Variants in MYO3A observed in about 807,000 individuals in gnomAD.
MYO3A encodes myosin-IIIa.
MYO3A carries 180 observed loss-of-function variants against 192.7 expected under a neutral mutation model. That is an observed-to-expected ratio of 0.93 (90% CI 0.83 to 1.06). The LOEUF is 1.06. Among genes scored for constraint, MYO3A ranks in the 50% least tolerant of loss-of-function variants. MYO3A has a pLI of 0.00. For missense variants in MYO3A, 1,896 were observed against 1,905.0 expected, an observed-to-expected ratio of 1.00 and a Z score of 0.09; for synonymous variants, 628 against 645.3, an observed-to-expected ratio of 0.97 and a Z score of 0.41.
intron 2 of MYO3A, among the ~76,000 whole-genome samples, chr10:25,948,667 A>G (rs1837015586): frequency 1.3e-5 from 2 of 152,168 alleles, no homozygotes; most frequent in African/African-American, 4.8e-5. Context: ...ACTAGCTGTG[A>G]CATTCTATTT....
intron 7 of MYO3A, among the ~76,000 whole-genome samples, chr10:26,019,505 A>G (rs531656494): frequency 1.3e-5 from 2 of 152,192 alleles, no homozygotes; most frequent in Admixed American, 6.5e-5. Context: ...TTTAGTAGAG[A>G]TGGAGTTTCA....
rs1836018441 is a variant in MYO3A at position 25,935,726 on chromosome 10, T to C, written c.-104-18T>C. The C allele has an allele frequency of 6.6e-6, 1 of 152,204 alleles. No homozygotes were observed. The allele number at this position is 152,204 out of a possible 1,614,324, so 9.4% of individuals were successfully genotyped here. ...GTTTACTCCCATAAAGCCATGATCT[T>C]TTTGTTTTGGGTTACAGGCCCAGGG... On this transcript the variant is annotated intron_variant, in intron 1 of 34. Transcript: ENST00000642920.
chr10:26,172,841 T>A (rs1174688215), intron 29 of MYO3A, among the ~76,000 whole-genome samples: 1 of 152,172 alleles, frequency 6.6e-6, no homozygotes, highest in East Asian at 1.9e-4. Flanking sequence ...TTTTTCCAGA[T>A]TTGACTCAAA....
intron 14 of MYO3A, among the ~76,000 whole-genome samples, chr10:26,084,643 A>G (rs1386447250): frequency 6.6e-6 from 1 of 152,172 alleles, no homozygotes; most frequent in African/African-American, 2.4e-5. Context: ...AGCTGGGACT[A>G]CAGGCATGTG....
chr10:26,034,194 A>G (rs935857875), intron 10 of MYO3A, among the ~76,000 whole-genome samples: 1 of 152,358 alleles, frequency 6.6e-6, no homozygotes, highest in South Asian at 2.1e-4. Flanking sequence ...GTTTCTTTTT[A>G]ACTTTAAAAT....
chr10:26,061,953 T>TAA (rs1834509674), intron 10 of MYO3A, among the ~76,000 whole-genome samples: 2 of 152,174 alleles, frequency 1.3e-5, no homozygotes, highest in Admixed American at 1.3e-4. Flanking sequence ...CTTATAAGAA[T>TAA]CGCTTTGAAA....
chr10:26,151,754 T>C (rs1468019008), intron 23 of MYO3A, among the ~76,000 whole-genome samples: 1 of 152,234 alleles, frequency 6.6e-6, no homozygotes, highest in Non-Finnish European at 1.5e-5. Context: ...TCCCAGGCTT[T>C]ACCTGAGTTC....
At chr10:26,061,816 T>C (rs1443984321) in intron 10 of MYO3A, among the ~76,000 whole-genome samples, 2 of 151,862 alleles carry the variant, frequency 1.3e-5, no homozygotes, top group Non-Finnish European at 2.9e-5. Context: ...TCCCTATCGT[T>C]CTCCAGTAAC....
rs146767712 is a variant in MYO3A, at chr10:26,203,165, C to G, written c.4730+58C>G. 1,010 of 1,550,056 alleles carry G rather than the reference C, an allele frequency of 6.5e-4. 8 individuals carry two copies. In the African/African-American group the frequency reaches 0.012, roughly 19 times the overall value. ...CAGTTTTATACTCACAATTTCATTTCTTAAGATATTTCACTTTATATATAG... is the reference window on the plus strand; with the variant it reads ...CAGTTTTATACTCACAATTTCATTTGTTAAGATATTTCACTTTATATATAG... On this transcript the variant is annotated intron_variant, in intron 34 of 34. Coordinates refer to ENST00000642920, the MANE Select transcript of MYO3A (RefSeq NM_017433.5).
chr10:26,179,443 G>A (rs1431425115), intron 31 of MYO3A, among the ~76,000 whole-genome samples: 1 of 152,120 alleles, frequency 6.6e-6, no homozygotes, highest in African/African-American at 2.4e-5. Flanking sequence ...ATATATTTCA[G>A]TGTTGGTCTC....
At chr10:26,162,183 T>TTTGAAA (rs1841516165) in intron 26 of MYO3A, among the ~76,000 whole-genome samples, 1 of 152,182 alleles carries the variant, frequency 6.6e-6, no homozygotes, top group African/African-American at 2.4e-5. Flanking sequence ...GGTGCTCAAG[T>TTTGAAA]ATTTTTCAAA....
intron 4 of MYO3A, among the ~76,000 whole-genome samples, chr10:25,970,624 AATAAT>A (rs1182425097): frequency 6.6e-6 from 1 of 151,978 alleles, no homozygotes. Context: ...AATAAACAAA[AATAAT>A]AGAATGAAAG....
In MYO3A at chr10:26,168,825, C is replaced by G; in HGVS notation, c.3225C>G (p.Tyr1075Ter). Residue 1075 changes from tyrosine (Y) to a stop codon, truncating the protein, a stop_gained, in exon 28 of 35, where the codon TAC becomes TAG. Transcript: ENST00000642920. LOFTEE classifies it high-confidence loss of function. Reference protein sequence around the residue: ...CVRAFLCSRRYQKIQEKRKES... With the variant: ...CVRAFLCSRR ...GAGCATTCTTGTGTTCAAGAAGATA[C>G]CAAAAAATACAGGAGAAAAGGAAAG... 6.2e-7 allele frequency: 1 copy of G among 1,612,424 alleles called. No homozygotes were observed. Among genetic ancestry groups the G allele is most frequent in the East Asian group, 2.2e-5 (1 of 44,796 alleles).
intron 10 of MYO3A, among the ~76,000 whole-genome samples, chr10:26,053,489 T>C (rs1247948045): frequency 6.6e-6 from 1 of 152,086 alleles, no homozygotes; most frequent in African/African-American, 2.4e-5. Flanking sequence ...ATATAAAAAG[T>C]TTATTGAGCA....
intron 17 of MYO3A, among the ~76,000 whole-genome samples, chr10:26,104,112 T>C: frequency 9.1e-6 from 1 of 109,878 alleles, no homozygotes; most frequent in East Asian, 2.1e-4. Context: ...ATGTCTGATT[T>C]GCAAAAAAAA....
chr10:26,050,785 T>C (rs959704147), intron 10 of MYO3A, among the ~76,000 whole-genome samples: 2 of 146,862 alleles, frequency 1.4e-5, no homozygotes, highest in Non-Finnish European at 3.1e-5. Flanking sequence ...CTGATTCCTT[T>C]TCAAAAGCAC....
rs1840292687 is a variant in MYO3A, at chr10:26,143,599, T to C, written c.2414T>C (p.Val805Ala). ...CCCAAGGCCACTGACCAGACTCTTG[T>C]AGGTGAGTTTTCAGTCCAGTGTGTC... ...RFPKATDQTL[V>A]EKFEGNLKSQ... Residue 805 changes from valine to alanine, a missense_variant and splice_region_variant, in exon 21 of 35, where the codon GTA becomes GCA. By Grantham distance (64) the Val-to-Ala change is moderately conservative. Transcript: ENST00000642920. 1.2e-6 allele frequency: 2 copies of C among 1,613,932 alleles called. No homozygotes were observed. Among genetic ancestry groups the C allele is most frequent in the South Asian group, 2.2e-5 (2 of 91,078 alleles).
At chr10:26,027,757 C>A (rs1298397984) in intron 10 of MYO3A, among the ~76,000 whole-genome samples, 1 of 152,126 alleles carries the variant, frequency 6.6e-6, no homozygotes, top group Non-Finnish European at 1.5e-5. Flanking sequence ...TCTTCTAACA[C>A]AACATTTTAA....
chr10:26,154,455 C>G (rs1315538141), intron 24 of MYO3A, among the ~76,000 whole-genome samples: 1 of 152,194 alleles, frequency 6.6e-6, no homozygotes, highest in African/African-American at 2.4e-5. Flanking sequence ...GCTGGCATTA[C>G]AGGCATGAGC....
Sources: allele counts gnomAD v4.1 joint callset (sites outside exome capture counted in the v4.1 genomes callset), GRCh38; gene constraint gnomAD v4.1.1; transcripts MANE v1.5; gene names NCBI Gene and HGNC (gene_info 2026-07-23, HGNC 2026-07-21).